Variants in CCND3 observed in about 807,000 individuals in gnomAD.
The protein encoded by CCND3 is cyclin D3.
A neutral mutation model predicts 28.7 loss-of-function variants in CCND3; 9 were observed. The observed-to-expected ratio is 0.31, with a 90% CI of 0.19 to 0.55. The LOEUF (loss-of-function observed/expected upper bound fraction) is 0.55. Among genes scored for constraint, CCND3 ranks in the 20% least tolerant of loss-of-function variants. The pLI, the probability that CCND3 is intolerant of heterozygous loss-of-function variation, is 0.93. For synonymous variants in CCND3, 164 were observed against 163.9 expected (o/e 1.00, Z 0.00); for missense variants, 315 against 385.8 (o/e 0.82, Z 1.54).
At chr6:42,002,800 G>C (rs937665591) in intron 1 of CCND3, among the ~76,000 whole-genome samples, 11 of 151,976 alleles carry the variant, frequency 7.2e-5, no homozygotes, top group Non-Finnish European at 1.3e-4. Flanking sequence ...CTTGCAGTGA[G>C]CCAAGGTCAC....
intron 1 of CCND3, among the ~76,000 whole-genome samples, chr6:42,027,540 C>T (rs1763914525): frequency 6.6e-6 from 1 of 152,098 alleles, no homozygotes; most frequent in African/African-American, 2.4e-5. Flanking sequence ...ATTCCTCCCT[C>T]GAACTGACCA....
intron 1 of CCND3, among the ~76,000 whole-genome samples, chr6:42,001,252 A>AAAG (rs1763002531): frequency 6.7e-6 from 1 of 149,808 alleles, no homozygotes; most frequent in Non-Finnish European, 1.5e-5. Flanking sequence ...AAAAAAAAAA[A>AAAG]GCTTATAGGT....
chr6:41,972,089 G>A lies in CCND3; in HGVS notation c.-45-31504C>T, dbSNP rs371088596. ...AAAAATACAAAAAAATTAGCTGGGC[G>A]TGGTGGCGGGCGCCTATAGTCCCAG... is the stretch of plus-strand genomic sequence containing the variant. On this transcript the variant is annotated intron_variant, in intron 1 of 4. Transcript: ENST00000372988. Among the ~76,000 whole-genome samples the A allele has an allele frequency of 1.2e-4, 18 of 150,910 alleles. No homozygotes were observed. In the East Asian group the frequency reaches 2.4e-3, roughly 20 times the overall value.
chr6:41,957,983 C>T (rs1188620514), intron 1 of CCND3, among the ~76,000 whole-genome samples: 2 of 146,666 alleles, frequency 1.4e-5, no homozygotes, highest in African/African-American at 5.0e-5. Context: ...CCAAACTTTA[C>T]CTTACTTTAT....
chr6:41,979,571 A>T (rs1037496434), intron 1 of CCND3, among the ~76,000 whole-genome samples: 4 of 150,426 alleles, frequency 2.7e-5, no homozygotes, highest in Admixed American at 6.6e-5. Context: ...ATATATGTTC[A>T]ATATATTCAA....
At chr6:41,958,568 TG>T (rs1450015013) in intron 1 of CCND3, among the ~76,000 whole-genome samples, 1 of 152,190 alleles carries the variant, frequency 6.6e-6, no homozygotes, top group African/African-American at 2.4e-5. Context: ...TATAGTCTCC[TG>T]GGGGAATTTA....
chr6:42,011,497 G>C (rs532729473), intron 1 of CCND3, among the ~76,000 whole-genome samples: 1 of 152,270 alleles, frequency 6.6e-6, no homozygotes, highest in South Asian at 2.1e-4. Context: ...TCTGGAGTGG[G>C]GTCCGGGATT....
chr6:42,028,683 T>C (rs1763954678), intron 1 of CCND3, among the ~76,000 whole-genome samples: 1 of 152,226 alleles, frequency 6.6e-6, no homozygotes, highest in Admixed American at 6.5e-5. Flanking sequence ...TTCCCAGCTC[T>C]AGCACTTAGG....
chr6:42,030,567 A>C (rs1764014528), intron 1 of CCND3, among the ~76,000 whole-genome samples: 1 of 152,140 alleles, frequency 6.6e-6, no homozygotes, highest in South Asian at 2.1e-4. Flanking sequence ...AGATGTGCAC[A>C]GACCCGGCCT....
intron 1 of CCND3, among the ~76,000 whole-genome samples, chr6:42,016,000 G>A (rs938629103): frequency 5.9e-5 from 9 of 151,680 alleles, no homozygotes; most frequent in East Asian, 3.9e-4. Context: ...GTGCAGTGGC[G>A]TGATATCAGC....
intron 1 of CCND3, among the ~76,000 whole-genome samples, chr6:41,966,447 G>A (rs1045169170): frequency 2.6e-5 from 4 of 152,058 alleles, no homozygotes; most frequent in Admixed American, 1.3e-4. Context: ...TGATGGCCCT[G>A]TTATACTCCC....
At chr6:42,000,463 C>CAG (rs1762969188) in intron 1 of CCND3, among the ~76,000 whole-genome samples, 1 of 150,400 alleles carries the variant, frequency 6.6e-6, no homozygotes. Context: ...CTCCTGACCT[C>CAG]GTGATCCGCC....
chr6:41,943,939 T>C (rs1303613884), upstream of CCND3, among the ~76,000 whole-genome samples: 1 of 152,222 alleles, frequency 6.6e-6, no homozygotes, highest in African/African-American at 2.4e-5. Flanking sequence ...CTCAAAGATA[T>C]TAACCCTTTT....
intron 1 of CCND3, among the ~76,000 whole-genome samples, chr6:42,000,520 G>A (rs1285705018): frequency 7.1e-6 from 1 of 140,086 alleles, no homozygotes; most frequent in Non-Finnish European, 1.5e-5. Context: ...GAGCCACCGC[G>A]CCCGGCCTGA....
intron 1 of CCND3, chr6:42,030,232 T>A (rs1237256752): frequency 6.6e-6 from 1 of 152,266 alleles, no homozygotes; most frequent in East Asian, 1.9e-4. Flanking sequence ...CTCATTATAC[T>A]TGTGGTGGCC....
chr6:41,955,206 C>G (rs749691596), intron 1 of CCND3, among the ~76,000 whole-genome samples: 18 of 152,070 alleles, frequency 1.2e-4, no homozygotes, highest in Admixed American at 2.0e-4. Flanking sequence ...GAGAGGTTCA[C>G]TTCAAATCAT....
chr6:42,045,011 G>A (rs188924969), intron 1 of CCND3, among the ~76,000 whole-genome samples: 1 of 130,768 alleles, frequency 7.6e-6, no homozygotes, highest in East Asian at 2.2e-4. Context: ...TCACCATGTT[G>A]GTCAGGCTGG....
At chr6:42,029,877 G>C (rs530703282) in intron 1 of CCND3, 1 of 152,438 alleles carries the variant, frequency 6.6e-6, no homozygotes, top group Non-Finnish European at 1.5e-5. Flanking sequence ...TGGGCACTGG[G>C]GATGGATGGG....
At chr6:42,041,010 T>G (rs918244441) in intron 1 of CCND3, among the ~76,000 whole-genome samples, 1 of 152,202 alleles carries the variant, frequency 6.6e-6, no homozygotes, top group Admixed American at 6.6e-5. Flanking sequence ...CAACAGCCCC[T>G]GGCACATGGA....
Sources: allele counts gnomAD v4.1 joint callset (sites outside exome capture counted in the v4.1 genomes callset), GRCh38; gene constraint gnomAD v4.1.1; transcripts MANE v1.5; gene names NCBI Gene and HGNC (gene_info 2026-07-23, HGNC 2026-07-21).